ZNF804B: variants seen among roughly 807,000 people sequenced by gnomAD.
ZNF804B encodes the protein zinc finger 804B.
A neutral mutation model predicts 101.4 loss-of-function variants in ZNF804B; 80 were observed. That is an observed-to-expected ratio of 0.79 (90% CI 0.66 to 0.95). The LOEUF is 0.95. ZNF804B is among the 40% of genes least tolerant of loss of function. The probability of loss-of-function intolerance (pLI) is 0.00; values close to 1 mark genes in which losing one functional copy is unlikely to be tolerated. For missense variants in ZNF804B, 1,673 were observed against 1,561.9 expected (o/e 1.07, Z -1.20); for synonymous variants, 622 against 558.8 (o/e 1.11, Z -1.59).
chr7:88,983,700 T>C (rs1409276677), intron 1 of ZNF804B, among the ~76,000 whole-genome samples: 1 of 152,098 alleles, frequency 6.6e-6, no homozygotes, highest in Non-Finnish European at 1.5e-5. Context: ...AAATAAAACA[T>C]ATTAAAATTA....
intron 1 of ZNF804B, among the ~76,000 whole-genome samples, chr7:88,783,682 A>G (rs142961090): frequency 1.3e-4 from 20 of 152,288 alleles, no homozygotes; most frequent in African/African-American, 4.8e-4. Context: ...TTACAATAAT[A>G]TGGGAATGGT....
chr7:88,851,295 C>T (rs1791447575), intron 1 of ZNF804B, among the ~76,000 whole-genome samples: 1 of 151,910 alleles, frequency 6.6e-6, no homozygotes, highest in Non-Finnish European at 1.5e-5. Context: ...ACCTCAACAA[C>T]AAACATAAGA....
chr7:89,116,598 T>C (rs1790315584), intron 1 of ZNF804B, among the ~76,000 whole-genome samples: 1 of 152,214 alleles, frequency 6.6e-6, no homozygotes, highest in Admixed American at 6.5e-5. Flanking sequence ...GCTTTAGTTA[T>C]AAAATTATAA....
chr7:89,071,866 C>T (rs1269928338), intron 1 of ZNF804B, among the ~76,000 whole-genome samples: 1 of 151,886 alleles, frequency 6.6e-6, no homozygotes, highest in African/African-American at 2.4e-5. Context: ...CTTTTCCTAC[C>T]TAATTGTGAG....
At chr7:89,049,055 G>T (rs574227499) in intron 1 of ZNF804B, among the ~76,000 whole-genome samples, 1 of 151,638 alleles carries the variant, frequency 6.6e-6, no homozygotes, top group Non-Finnish European at 1.5e-5. Flanking sequence ...TTTCCCAAAC[G>T]CATTTGCTTT....
intron 1 of ZNF804B, among the ~76,000 whole-genome samples, chr7:88,885,419 T>C (rs17300034): frequency 0.41 from 62,463 of 151,036 alleles, 14,925 homozygotes; most frequent in African/African-American, 0.65. Flanking sequence ...GATCTGATTT[T>C]GGCTAAACAA....
At chr7:89,195,089 C>T (rs1788525339) in intron 1 of ZNF804B, among the ~76,000 whole-genome samples, 1 of 151,110 alleles carries the variant, frequency 6.6e-6, no homozygotes, top group Admixed American at 6.6e-5. Context: ...AGACAAAAAC[C>T]ACATGATTAT....
chr7:89,132,059 TAAACTC>T (rs1790556528), intron 1 of ZNF804B, among the ~76,000 whole-genome samples: 1 of 151,814 alleles, frequency 6.6e-6, no homozygotes, highest in Non-Finnish European at 1.5e-5. Flanking sequence ...TTTATTGAAA[TAAACTC>T]AATACTGTTC....
intron 2 of ZNF804B, among the ~76,000 whole-genome samples, chr7:89,326,464 T>C (rs1790897292): frequency 6.6e-6 from 1 of 152,098 alleles, no homozygotes; most frequent in African/African-American, 2.4e-5. Flanking sequence ...ACATCTCTTA[T>C]ACTTGATATG....
chr7:88,881,335 G>T (rs1028627983), intron 1 of ZNF804B, among the ~76,000 whole-genome samples: 4 of 152,048 alleles, frequency 2.6e-5, no homozygotes, highest in Non-Finnish European at 5.9e-5. Flanking sequence ...TTATATTGCT[G>T]AGTTAGCACC....
At chr7:89,021,548 A>G (rs1286686420) in intron 1 of ZNF804B, among the ~76,000 whole-genome samples, 1 of 152,084 alleles carries the variant, frequency 6.6e-6, no homozygotes, top group African/African-American at 2.4e-5. Context: ...ACTGTTTGTC[A>G]CACTCTGGGC....
At chr7:89,059,005 C>T (rs766855837) in intron 1 of ZNF804B, among the ~76,000 whole-genome samples, 42 of 152,100 alleles carry the variant, frequency 2.8e-4, no homozygotes, top group Admixed American at 3.3e-4. Context: ...GGAATGGTTC[C>T]TTTCAGGCTA....
chr7:89,153,986 T>G (rs1790916980), intron 1 of ZNF804B, among the ~76,000 whole-genome samples: 1 of 152,022 alleles, frequency 6.6e-6, no homozygotes, highest in Non-Finnish European at 1.5e-5. Flanking sequence ...CCATCACCTT[T>G]TAAAAATTAT....
At chr7:88,950,361 T>C (rs908217925) in intron 1 of ZNF804B, among the ~76,000 whole-genome samples, 2 of 151,902 alleles carry the variant, frequency 1.3e-5, no homozygotes, top group African/African-American at 4.8e-5. Context: ...AAAAAATAGA[T>C]GATTCAATAA....
chr7:89,200,379 C>A (rs564210904), intron 1 of ZNF804B, among the ~76,000 whole-genome samples: 3 of 151,890 alleles, frequency 2.0e-5, no homozygotes, highest in African/African-American at 7.2e-5. Context: ...TTATTTCCAC[C>A]CTTAGGATTC....
chr7:88,960,075 C>A (rs1049878802), intron 1 of ZNF804B, among the ~76,000 whole-genome samples: 1 of 151,424 alleles, frequency 6.6e-6, no homozygotes, highest in African/African-American at 2.4e-5. Flanking sequence ...TAAACAAAGA[C>A]TGTTTCCCCT....
At chr7:89,205,247 A>T (rs527265181) in intron 1 of ZNF804B, among the ~76,000 whole-genome samples, 95 of 152,258 alleles carry the variant, frequency 6.2e-4, no homozygotes, top group Non-Finnish European at 1.0e-3. Context: ...TTGGGTGGGG[A>T]CACAGAGCCA....
chr7:88,908,982 T>G (rs1792511225), intron 1 of ZNF804B, among the ~76,000 whole-genome samples: 1 of 151,788 alleles, frequency 6.6e-6, no homozygotes, highest in Non-Finnish European at 1.5e-5. Context: ...TGTGAGAAAT[T>G]AAAACATTTT....
chr7:88,929,155 G>C (rs1330253093), intron 1 of ZNF804B, among the ~76,000 whole-genome samples: 1 of 151,766 alleles, frequency 6.6e-6, no homozygotes, highest in Non-Finnish European at 1.5e-5. Context: ...CAGATCTCTT[G>C]CTGGAAGATC....
Sources: allele counts gnomAD v4.1 joint callset (sites outside exome capture counted in the v4.1 genomes callset), GRCh38; gene constraint gnomAD v4.1.1; transcripts MANE v1.5; gene names NCBI Gene and HGNC (gene_info 2026-07-23, HGNC 2026-07-21).